Variants in WARS1 observed in about 807,000 individuals in gnomAD.
WARS1 encodes tryptophanyl-tRNA synthetase 1.
Under a neutral mutation model 47.8 loss-of-function variants are expected in WARS1, and 17 were observed. The ratio of observed to expected loss-of-function variants is 0.36; its 90% CI spans 0.24 to 0.53. The LOEUF is 0.53. Ranked by LOEUF, WARS1 falls within the 20% of genes least tolerant of loss-of-function variation. The pLI is 0.91. For synonymous variants in WARS1, 208 were observed against 228.1 expected (o/e 0.91, Z 0.79); for missense variants, 434 against 608.0 (o/e 0.71, Z 3.01).
Position 100,337,278 on chromosome 14 carries a change from T to A in WARS1, c.1114-76A>T, listed in dbSNP as rs78582306. The A allele has an allele frequency of 6.2e-3, 9,688 of 1,574,808 alleles. 37 individuals carry two copies. The highest frequency in any genetic ancestry group is 7.6e-3 in the Non-Finnish European group (8,813 of 1,152,112). Reference sequence around the variant, plus strand: ...CCTGGACACTGGCTAGAAGCCCAAGTGTGGAAGTCAGAGGTGTGAGTGCTG... The same window carrying A: ...CCTGGACACTGGCTAGAAGCCCAAGAGTGGAAGTCAGAGGTGTGAGTGCTG... On this transcript the variant is annotated intron_variant, in intron 9 of 10. Coordinates refer to ENST00000392882, the MANE Select transcript of WARS1 (RefSeq NM_004184.4).
At chr14:100,351,836 A>G (rs1344361006) in intron 6 of WARS1, among the ~76,000 whole-genome samples, 2 of 152,000 alleles carry the variant, frequency 1.3e-5, no homozygotes, top group Non-Finnish European at 2.9e-5. Context: ...TACTAAAAAT[A>G]CAAAAAATTA....
chr14:100,372,569 A>G (rs767284133), intron 1 of WARS1, among the ~76,000 whole-genome samples: 39 of 152,116 alleles, frequency 2.6e-4, no homozygotes, highest in Non-Finnish European at 4.7e-4. Context: ...AGGCTCTCCC[A>G]TTCCCTCCCC....
At chr14:100,347,891 A>G (rs1443708147) in intron 6 of WARS1, among the ~76,000 whole-genome samples, 1 of 152,000 alleles carries the variant, frequency 6.6e-6, no homozygotes, top group African/African-American at 2.4e-5. Context: ...GGCTTCTTAT[A>G]TTGCATCTTT....
At chr14:100,374,104 C>T (rs1473367992) in intron 1 of WARS1, 1 of 152,158 alleles carries the variant, frequency 6.6e-6, no homozygotes, top group Non-Finnish European at 1.5e-5. Context: ...TTGGTATGTA[C>T]ATGGTTTTGA....
intron 1 of WARS1, among the ~76,000 whole-genome samples, chr14:100,372,589 C>T (rs1210358300): frequency 6.6e-6 from 1 of 152,214 alleles, no homozygotes; most frequent in Non-Finnish European, 1.5e-5. Flanking sequence ...CAGCAACAAG[C>T]TGAGCAAATC....
At chr14:100,374,304 C>CT (rs1896511864) in intron 1 of WARS1, 1 of 152,194 alleles carries the variant, frequency 6.6e-6, no homozygotes, top group South Asian at 2.1e-4. Flanking sequence ...GTGAAGTACT[C>CT]TATTATCTTC....
upstream of WARS1, chr14:100,376,176 G>A: frequency 4.3e-6 from 1 of 231,230 alleles, no homozygotes; most frequent in Non-Finnish European, 8.2e-6. Context: ...GGGAGGGCCA[G>A]GCCACTGGGC....
At chr14:100,363,493 C>T (rs775815710) in intron 2 of WARS1, among the ~76,000 whole-genome samples, 2 of 151,956 alleles carry the variant, frequency 1.3e-5, no homozygotes, top group African/African-American at 2.4e-5. Flanking sequence ...CTCATAAGTT[C>T]GAGACCACCC....
At chr14:100,354,281 G>A in intron 5 of WARS1, 166 bp downstream of exon 5, 1 of 987,556 alleles carries the variant, frequency 1.0e-6, no homozygotes, top group Non-Finnish European at 1.4e-6. Context: ...GTCCTCTAAA[G>A]TGAGCCCAGG....
intron 9 of WARS1, among the ~76,000 whole-genome samples, chr14:100,338,746 T>TA (rs960484587): frequency 1.3e-5 from 2 of 151,962 alleles, no homozygotes. Flanking sequence ...AACTTTTTTT[T>TA]AATGGGAAAA....
intron 7 of WARS1, among the ~76,000 whole-genome samples, chr14:100,345,679 A>T (rs982315608): frequency 5.8e-5 from 6 of 103,810 alleles, no homozygotes; most frequent in African/African-American, 1.5e-4. Flanking sequence ...AAATAAATTA[A>T]AAAAAAAAAG....
intron 4 of WARS1, among the ~76,000 whole-genome samples, chr14:100,354,866 T>C (rs1444058721): frequency 1.3e-5 from 2 of 152,206 alleles, no homozygotes; most frequent in Admixed American, 6.5e-5. Flanking sequence ...GCCGACATAC[T>C]GTGAGCTTGG....
chr14:100,360,649 A>G lies in WARS1; in HGVS notation c.327T>C (p.Ser109=). Residue 109 remains serine, a synonymous_variant, in exon 4 of 11, where the codon AGT becomes AGC. Coordinates refer to ENST00000392882, the MANE Select transcript of WARS1 (RefSeq NM_004184.4). ...DYDKLIVRFG[S]SKIDKELINR... is the part of the protein sequence containing the mutation. ...TTATTAGCTCTTTGTCAATTTTACT[A>G]CTTCCAAACCGAACTGGAAAAAAAG... The G allele has an allele frequency of 2.5e-6, 4 of 1,613,640 alleles. No individual in the cohort carries two copies. The highest frequency in any genetic ancestry group is 3.4e-6 in the Non-Finnish European group (4 of 1,179,668).
chr14:100,367,608 C>CAAAA (rs35916618), intron 2 of WARS1, among the ~76,000 whole-genome samples: 736 of 28,586 alleles, frequency 0.026, no homozygotes, highest in Middle Eastern at 0.031. Flanking sequence ...GGTGGGGTGG[C>CAAAA]AAAAAAAAAA....
chr14:100,373,800 G>A lies in WARS1; in HGVS notation c.-74+1483C>T, dbSNP rs952988504. On this transcript the variant is annotated intron_variant, in intron 1 of 10. Transcript: ENST00000392882. The surrounding 1 kb of genome is among the most constrained non-coding windows in gnomAD (Gnocchi z 4.4). ...GATCACAAGGCATATACTTTGCGTG[G>A]GAATCATCCACACTATTGAAATCTT... Among the ~76,000 whole-genome samples, 2 of 150,658 alleles carry A rather than the reference G, an allele frequency of 1.3e-5. No individual in the cohort carries two copies. Among genetic ancestry groups the A allele is most frequent in the Admixed American group, 1.3e-4 (2 of 15,046 alleles).
At chr14:100,340,474 GCTA>G (rs936871599) in intron 9 of WARS1, 33 of 152,150 alleles carry the variant, frequency 2.2e-4, no homozygotes, top group African/African-American at 7.7e-4. Flanking sequence ...TCAGCACTGT[GCTA>G]CTATTTTGAT....
In WARS1 at chr14:100,373,666, T is replaced by C. The variant is rs1219620209; in HGVS notation, c.-74+1617A>G. On this transcript the variant is annotated intron_variant, in intron 1 of 10. Coordinates refer to ENST00000392882, the MANE Select transcript of WARS1 (RefSeq NM_004184.4). This position sits in a 1 kb window ranked among gnomAD's most constrained non-coding sequence, Gnocchi z 4.4. ...GAGGATCAGCTAGATAAACAGGACT[T>C]GCATTTAGGGTCCATGTTGCAGGGA... 6.6e-6 allele frequency among the ~76,000 whole-genome samples: 1 copy of C among 152,234 alleles called. No homozygotes were observed. Among genetic ancestry groups the C allele is most frequent in the Non-Finnish European group, 1.5e-5 (1 of 68,046 alleles).
intron 7 of WARS1, 91 bp downstream of exon 7, chr14:100,346,655 A>C: frequency 9.3e-7 from 1 of 1,072,602 alleles, no homozygotes; most frequent in Non-Finnish European, 1.4e-6. Flanking sequence ...AACATCTCAG[A>C]GATATTTAAA....
chr14:100,375,109 G>C (rs1896574859), intron 1 of WARS1, among the ~76,000 whole-genome samples, 174 bp downstream of exon 1: 1 of 152,216 alleles, frequency 6.6e-6, no homozygotes, highest in Non-Finnish European at 1.5e-5. Flanking sequence ...GCTCAGCCAG[G>C]ATCTCTGTTC....
Sources: gnomAD v4.1 joint callset for allele counts (sites outside exome capture counted in the v4.1 genomes callset) on GRCh38, gnomAD v4.1.1 for gene constraint, Gnocchi (gnomAD v3.1) non-coding constraint, MANE v1.5 for transcripts, NCBI Gene and HGNC (gene_info 2026-07-23, HGNC 2026-07-21) for gene names.